Variants in CLVS1 observed in about 807,000 individuals in gnomAD.
CLVS1 encodes the protein clavesin 1, also known as clavesin-1.
A neutral mutation model predicts 33.1 loss-of-function variants in CLVS1; 10 were observed. The observed-to-expected ratio is 0.30, with a 90% CI of 0.19 to 0.51. The LOEUF (loss-of-function observed/expected upper bound fraction) is 0.51. CLVS1 is among the 20% of genes least tolerant of loss of function. The pLI, the probability that CLVS1 is intolerant of heterozygous loss-of-function variation, is 0.97. For missense variants in CLVS1, 343 were observed against 433.4 expected, an observed-to-expected ratio of 0.79 and a Z score of 1.85; for synonymous variants, 163 against 166.1, an observed-to-expected ratio of 0.98 and a Z score of 0.14.
intron 5 of CLVS1, among the ~76,000 whole-genome samples, chr8:61,459,442 A>T (rs1292728765): frequency 6.6e-6 from 1 of 152,046 alleles, no homozygotes; most frequent in Non-Finnish European, 1.5e-5. Flanking sequence ...ATCCTGGTGC[A>T]CCCGTCATCC....
chr8:61,416,687 G>A lies in CLVS1; in HGVS notation c.631-37454G>A, dbSNP rs535951022. ...CCAGGCCTGCTTGGACAAAACATGT[G>A]CAATCAATGGACAGAGCTTCCACCT... On this transcript the variant is annotated intron_variant, in intron 3 of 5. Coordinates refer to ENST00000325897, the MANE Select transcript of CLVS1 (RefSeq NM_173519.3). Among the ~76,000 whole-genome samples, 7 of 152,252 alleles carry A rather than the reference G, an allele frequency of 4.6e-5. No homozygotes were observed. In the South Asian group the frequency reaches 1.5e-3, roughly 32 times the overall value.
At chr8:61,173,616 C>T (rs1807053362) in intron 2 of CLVS1, among the ~76,000 whole-genome samples, 1 of 152,074 alleles carries the variant, frequency 6.6e-6, no homozygotes, top group Non-Finnish European at 1.5e-5. Context: ...AAAGATCATT[C>T]AGGGGAAGGA....
In CLVS1 at chr8:61,288,155, T is replaced by A. The variant is rs1441851507; in HGVS notation, c.-152+17T>A. 3 of 456,180 alleles carry A rather than the reference T, an allele frequency of 6.6e-6. No homozygotes were observed. The East Asian group carries it at 2.1e-4, about 32-fold the overall frequency. The allele number at this position is 456,180 out of a possible 1,614,324, so 28.3% of individuals were successfully genotyped here. On this transcript the variant is annotated intron_variant, in intron 1 of 5. Transcript: ENST00000325897. ...CGTGTGAAGGTATTTGTTACCTTTT[T>A]TCTCCCCTCTGTATTTGCCGAGCCT...
At chr8:61,273,985 C>T (rs1017615378) in intron 2 of CLVS1, 6 of 157,718 alleles carry the variant, frequency 3.8e-5, no homozygotes, top group Non-Finnish European at 8.3e-5. Context: ...TAGACCGGAG[C>T]TGTTCCTATT....
intron 2 of CLVS1, among the ~76,000 whole-genome samples, chr8:61,193,170 C>T (rs1807529560): frequency 6.6e-6 from 1 of 152,134 alleles, no homozygotes; most frequent in African/African-American, 2.4e-5. Context: ...CACATATACA[C>T]CATGGAATAC....
chr8:61,343,973 A>C (rs1812114317), intron 2 of CLVS1, among the ~76,000 whole-genome samples: 2 of 152,202 alleles, frequency 1.3e-5, no homozygotes, highest in South Asian at 4.1e-4. Context: ...ATATACATAC[A>C]TACATATACA....
chr8:61,262,513 G>T (rs544673012), intron 2 of CLVS1, among the ~76,000 whole-genome samples: 1 of 152,112 alleles, frequency 6.6e-6, no homozygotes. Context: ...TCAAAAAAAA[G>T]TAGAGTCTCC....
At chr8:61,039,452 G>GT in the CLVS1 span, among the ~76,000 whole-genome samples, 1 of 152,164 alleles carries the variant, frequency 6.6e-6, no homozygotes, top group Non-Finnish European at 1.5e-5. Context: ...TAGCATGGTG[G>GT]TTTCTTTCTG....
At chr8:61,147,093 G>T (rs1806436203) in intron 2 of CLVS1, among the ~76,000 whole-genome samples, 2 of 152,210 alleles carry the variant, frequency 1.3e-5, no homozygotes, top group South Asian at 2.1e-4. Context: ...TCTACTGGGG[G>T]TGTCCCCTTT....
chr8:60,996,480 G>T, the CLVS1 span, among the ~76,000 whole-genome samples: 21 of 152,332 alleles, frequency 1.4e-4, no homozygotes, highest in Admixed American at 1.0e-3. Context: ...GTGGGAGAAG[G>T]AGCTACTTGG....
At chr8:61,437,499 AT>A (rs776043168) in intron 3 of CLVS1, among the ~76,000 whole-genome samples, 14 of 152,214 alleles carry the variant, frequency 9.2e-5, no homozygotes, top group Non-Finnish European at 1.8e-4. Context: ...AGGGGAGGAA[AT>A]GTATGCAAAT....
At chr8:61,170,240 G>A (rs1806965733) in intron 2 of CLVS1, among the ~76,000 whole-genome samples, 1 of 152,060 alleles carries the variant, frequency 6.6e-6, no homozygotes, top group Admixed American at 6.6e-5. Flanking sequence ...AGGTCCTGAA[G>A]CTGTGTCAGC....
At chr8:61,087,553 A>T (rs1805149508) in intron 1 of CLVS1, among the ~76,000 whole-genome samples, 1 of 152,140 alleles carries the variant, frequency 6.6e-6, no homozygotes, top group African/African-American at 2.4e-5. Flanking sequence ...GAGGAGTAGA[A>T]CCTAGGTGGC....
At chr8:61,415,657 G>A (rs566028798) in intron 3 of CLVS1, among the ~76,000 whole-genome samples, 221 of 152,278 alleles carry the variant, frequency 1.5e-3, no homozygotes, top group Middle Eastern at 6.8e-3. Flanking sequence ...GGGCCTTAGA[G>A]CAGCATCTTC....
At chr8:61,201,391 C>A (rs977668244) in intron 2 of CLVS1, among the ~76,000 whole-genome samples, 4 of 152,088 alleles carry the variant, frequency 2.6e-5, no homozygotes, top group African/African-American at 9.7e-5. Flanking sequence ...TGAGCAAGGG[C>A]AGAATCAGGA....
the CLVS1 span, among the ~76,000 whole-genome samples, chr8:61,050,872 C>T: frequency 1.3e-5 from 2 of 152,324 alleles, no homozygotes; most frequent in South Asian, 4.1e-4. Flanking sequence ...ACTGAAAAGG[C>T]CATTTAAGCA....
chr8:61,068,251 A>G (rs1013459466), intron 1 of CLVS1, among the ~76,000 whole-genome samples: 1 of 145,820 alleles, frequency 6.9e-6, no homozygotes, highest in African/African-American at 2.5e-5. Flanking sequence ...ATATATATGT[A>G]TATATATACA....
At chr8:61,012,401 C>T in the CLVS1 span, among the ~76,000 whole-genome samples, 2 of 152,172 alleles carry the variant, frequency 1.3e-5, no homozygotes, top group Non-Finnish European at 2.9e-5. Flanking sequence ...TTTCCCAATG[C>T]TATAGTGTAG....
At chr8:61,132,679 T>C (rs1437761519) in intron 2 of CLVS1, among the ~76,000 whole-genome samples, 3 of 152,188 alleles carry the variant, frequency 2.0e-5, no homozygotes, top group Non-Finnish European at 4.4e-5. Flanking sequence ...GATTCTGTAG[T>C]GACGAGGCTT....
Sources: gnomAD v4.1 joint callset for allele counts (sites outside exome capture counted in the v4.1 genomes callset) on GRCh38, gnomAD v4.1.1 for gene constraint, MANE v1.5 for transcripts, NCBI Gene and HGNC (gene_info 2026-07-23, HGNC 2026-07-21) for gene names.